DIS3: variants seen among roughly 807,000 people sequenced by gnomAD.
The protein encoded by DIS3 is DIS3 exosome endoribonuclease and 3'-5' exoribonuclease, also known as exosome complex exonuclease RRP44.
In DIS3, 103 loss-of-function variants were observed where a neutral mutation model predicts 113.0. The observed-to-expected ratio is 0.91, with a 90% CI of 0.78 to 1.07. The LOEUF (loss-of-function observed/expected upper bound fraction) is 1.07, where lower values mean the gene tolerates loss of function less well. Among genes scored for constraint, DIS3 ranks in the 50% least tolerant of loss-of-function variants. DIS3 has a pLI of 0.00. For missense variants in DIS3, 1,121 were observed against 1,167.1 expected, an observed-to-expected ratio of 0.96 and a Z score of 0.58; for synonymous variants, 402 against 394.3, an observed-to-expected ratio of 1.02 and a Z score of -0.23.
In DIS3 at chr13:72,761,699, G is replaced by C; in HGVS notation, c.2458C>G (p.Arg820Gly). The change falls in exon 18 of 21, where the codon CGG (arginine) becomes GGG (glycine). Residue 820 changes from arginine to glycine, a missense_variant. Coordinates refer to ENST00000377767, the MANE Select transcript of DIS3 (RefSeq NM_014953.5). ...LADICKNLNFRHKMAQYAQRA... is the reference protein window; with the variant it reads ...LADICKNLNFGHKMAQYAQRA... The stretch of plus-strand genomic sequence containing the variant: ...TGGGCATATTGAGCCATTTTGTGCC[G>C]GAAATTTAGATTTTTACATATATCT... The C allele has an allele frequency of 1.2e-6, 2 of 1,613,314 alleles. No individual in the cohort carries two copies. Among genetic ancestry groups the C allele is most frequent in the Non-Finnish European group, 1.7e-6 (2 of 1,179,844 alleles).
Position 72,754,867 on chromosome 13 carries a change from C to T in DIS3, c.*4928G>A, listed in dbSNP as rs1020489480. ...AGTAGCTAGGGCTACAGGCATGTGC[C>T]ACCACACCCAGCTTTTTAAAATTTT... On this transcript the variant is annotated 3_prime_UTR_variant, in exon 21 of 21. Coordinates refer to ENST00000377767, the MANE Select transcript of DIS3 (RefSeq NM_014953.5). 2 of 309,882 alleles carry T rather than the reference C, an allele frequency of 6.5e-6. No homozygotes were observed. The highest frequency in any genetic ancestry group is 1.2e-5 in the Non-Finnish European group (2 of 164,960). 19.2% of individuals were successfully genotyped at this position (309,882 alleles called of 1,614,324 possible). A position where few individuals can be genotyped will look rare whatever the true frequency, so the allele number is the denominator to read the frequency against.
At chr13:72,774,248 C>G (rs1360676833) in intron 6 of DIS3, among the ~76,000 whole-genome samples, 189 bp from the exon 7 acceptor site, 1 of 150,024 alleles carries the variant, frequency 6.7e-6, no homozygotes, top group Non-Finnish European at 1.5e-5. Flanking sequence ...CACAGACATT[C>G]TCTCTTGATA....
intron 5 of DIS3, 24 bp downstream of exon 5, chr13:72,775,901 T>C (rs745492236): frequency 3.2e-6 from 5 of 1,558,912 alleles, no homozygotes; most frequent in Non-Finnish European, 4.4e-6. Context: ...TTTTAGTGTA[T>C]AAGGAATTTA....
chr13:72,754,013 C>T lies in DIS3; in HGVS notation c.*5782G>A, dbSNP rs1051461390. 53 of 540,836 alleles carry T rather than the reference C, an allele frequency of 9.8e-5. No individual in the cohort carries two copies. Among genetic ancestry groups the T allele is most frequent in the Non-Finnish European group, 1.6e-4 (50 of 315,478 alleles). The allele number at this position is 540,836 out of a possible 1,614,324, so 33.5% of individuals were successfully genotyped here. On this transcript the variant is annotated 3_prime_UTR_variant, in exon 21 of 21. Coordinates refer to ENST00000377767, the MANE Select transcript of DIS3 (RefSeq NM_014953.5). ...GAATACACAAGTATCTTACATACTA[C>T]AAAGTGTGCAAAGGTAGCGTGTATT...
At chr13:72,771,271 A>T in intron 11 of DIS3, 126 bp from the exon 12 acceptor site, 1 of 748,076 alleles carries the variant, frequency 1.3e-6, no homozygotes, top group Non-Finnish European at 2.2e-6. Flanking sequence ...TGTAAATAGG[A>T]GAATTGAGAA....
chr13:72,771,682 T>C, intron 11 of DIS3, 113 bp downstream of exon 11: 2 of 988,150 alleles, frequency 2.0e-6, no homozygotes, highest in Non-Finnish European at 1.5e-6. Context: ...ATTTGCAATA[T>C]ATTTAGTGAT....
In DIS3 at chr13:72,773,675, T is replaced by G; in HGVS notation, c.1239+9A>C. The stretch of plus-strand genomic sequence containing the variant: ...ACATCCCCACATAAAATTAATACTT[T>G]AAGCTTACATTTGGATATCTGGAAT... On this transcript the variant is annotated intron_variant, in intron 8 of 20. Coordinates refer to ENST00000377767, the MANE Select transcript of DIS3 (RefSeq NM_014953.5). 6.2e-7 allele frequency: 1 copy of G among 1,604,332 alleles called. No individual in the cohort carries two copies. Among genetic ancestry groups the G allele is most frequent in the East Asian group, 2.2e-5 (1 of 44,814 alleles).
rs756379303 is a variant in DIS3 at position 72,771,866 on chromosome 13, A to C, written c.1534T>G (p.Phe512Val). Residue 512 changes from phenylalanine (F) to valine (V), a missense_variant, in exon 11 of 21, where the codon TTT (phenylalanine) becomes GTT (valine). Phe to Val is a conservative substitution (Grantham distance 50). Coordinates refer to ENST00000377767, the MANE Select transcript of DIS3 (RefSeq NM_014953.5). Reference sequence around the variant, plus strand: ...TCCAAGGCATTTCCTGGCCTAATAAAATGGCTCACATCAGCAATATGAACA... The same window carrying C: ...TCCAAGGCATTTCCTGGCCTAATAACATGGCTCACATCAGCAATATGAACA... ...VGVHIADVSH[F>V]IRPGNALDQE... The C allele has an allele frequency of 6.2e-7, 1 of 1,613,782 alleles. No individual in the cohort carries two copies. The highest frequency in any genetic ancestry group is 8.5e-7 in the Non-Finnish European group (1 of 1,179,892).
At chr13:72,778,671 T>C (rs567841695) in intron 2 of DIS3, among the ~76,000 whole-genome samples, 1 of 152,334 alleles carries the variant, frequency 6.6e-6, no homozygotes, top group South Asian at 2.1e-4. Flanking sequence ...ATTTATACTT[T>C]AGGTTGAGAC....
chr13:72,775,079 T>C (rs190940460), intron 6 of DIS3, 132 bp downstream of exon 6: 13 of 975,888 alleles, frequency 1.3e-5, no homozygotes, highest in Non-Finnish European at 1.4e-5. Context: ...ACCATGTGTA[T>C]GACATGCGTT....
intron 14 of DIS3, among the ~76,000 whole-genome samples, chr13:72,767,661 GAT>G (rs1442693228): frequency 6.6e-6 from 1 of 152,226 alleles, no homozygotes; most frequent in Non-Finnish European, 1.5e-5. Flanking sequence ...TGTCCAATGT[GAT>G]AGTCATTAGT....
rs1163369194 is a variant in DIS3 at position 72,756,721 on chromosome 13, T to C, written c.*3074A>G. The C allele has an allele frequency of 6.6e-6, 1 of 152,224 alleles. No individual in the cohort carries two copies. The highest frequency in any genetic ancestry group is 1.5e-5 in the Non-Finnish European group (1 of 68,090). 9.4% of individuals were successfully genotyped at this position (152,224 alleles called of 1,614,324 possible). A position where few individuals can be genotyped will look rare whatever the true frequency, so the allele number is the denominator to read the frequency against. ...GAGATCTGAAGGTTTTATAAGCGTC[T>C]GGCATTTCCACTGCTGGCAGTCATT... On this transcript the variant is annotated 3_prime_UTR_variant, in exon 21 of 21. Transcript: ENST00000377767.
chr13:72,762,197 G>A, intron 16 of DIS3, 60 bp from the exon 17 acceptor site: 1 of 1,382,366 alleles, frequency 7.2e-7, no homozygotes, highest in Non-Finnish European at 1.0e-6. Flanking sequence ...GTACCATTAT[G>A]TCTTCAAAAT....
Position 72,766,003 on chromosome 13 carries a change from C to A in DIS3, c.1939G>T (p.Asp647Tyr), listed in dbSNP as rs753955825. 1.9e-6 allele frequency: 3 copies of A among 1,610,906 alleles called. No individual in the cohort carries two copies. ...VRFHMDSETH[D>Y]PIDLQTKELR... Reference sequence around the variant, plus strand: ...TCCTTGGTCTGCAGATCTATAGGATCGTGAGTTTCACTGTCCATGTGGAAT... The same window carrying A: ...TCCTTGGTCTGCAGATCTATAGGATAGTGAGTTTCACTGTCCATGTGGAAT... The change falls in exon 15 of 21, where the codon GAT (aspartate) becomes TAT (tyrosine). Residue 647 changes from aspartate (D) to tyrosine (Y), a missense_variant. Asp to Tyr is a radical substitution (Grantham distance 160). Coordinates refer to ENST00000377767, the MANE Select transcript of DIS3 (RefSeq NM_014953.5).
At chr13:72,768,029 T>C (rs1405561898) in intron 14 of DIS3, among the ~76,000 whole-genome samples, 2 of 152,206 alleles carry the variant, frequency 1.3e-5, no homozygotes, top group Non-Finnish European at 2.9e-5. Flanking sequence ...AAGACTCAGA[T>C]CTGTTACTAG....
intron 7 of DIS3, 23 bp downstream of exon 7, chr13:72,773,923 C>T: frequency 1.9e-6 from 3 of 1,585,272 alleles, no homozygotes; most frequent in Non-Finnish European, 2.6e-6. Context: ...TTTTTTATTA[C>T]ATAGTAAATG....
At chr13:72,764,987 C>T (rs546241962) in intron 15 of DIS3, among the ~76,000 whole-genome samples, 4 of 152,236 alleles carry the variant, frequency 2.6e-5, no homozygotes, top group South Asian at 2.1e-4. Flanking sequence ...CACGCAAGCA[C>T]ATATTTACTC....
intron 4 of DIS3, among the ~76,000 whole-genome samples, 161 bp from the exon 5 acceptor site, chr13:72,776,253 A>G (rs1471016901): frequency 4.6e-5 from 7 of 152,180 alleles, no homozygotes. Flanking sequence ...AGTGCTAACA[A>G]AAACAGCTTT....
chr13:72,781,652 G>A lies in DIS3; in HGVS notation c.181C>T (p.Pro61Ser), dbSNP rs769093613. Residue 61 changes from proline to serine, a missense_variant, in exon 1 of 21, where the codon CCG (proline) becomes TCG (serine). This residue lies in a region of DIS3 where 254 missense variants were observed against 232.2 expected (regional missense o/e 1.09). Transcript: ENST00000377767. ...TCGGGCAGCAAGTAGTGCGGTTGCG[G>A]GCAGACGCTGCTCGCCGGGTCCTGG... Reference protein sequence around the residue: ...QPQDPASSVCPQPHYLLPDTN... With the variant: ...QPQDPASSVCSQPHYLLPDTN... The A allele has an allele frequency of 1.6e-5, 25 of 1,545,410 alleles. No individual in the cohort carries two copies. In the Admixed American group the frequency reaches 3.3e-4, roughly 21 times the overall value.
Sources: allele counts gnomAD v4.1 joint callset (sites outside exome capture counted in the v4.1 genomes callset), GRCh38; gene constraint gnomAD v4.1.1; regional missense constraint gnomAD v4.1.1; transcripts MANE v1.5; gene names NCBI Gene and HGNC (gene_info 2026-07-23, HGNC 2026-07-21).